The following SYCP2 variants were observed in gnomAD, a reference collection of about 807,000 sequenced individuals.
The protein encoded by SYCP2 is synaptonemal complex protein 2.
A neutral mutation model predicts 211.3 loss-of-function variants in SYCP2; 55 were observed. That is an observed-to-expected ratio of 0.26 (90% confidence interval 0.21 to 0.33). The LOEUF is 0.33. Ranked by LOEUF, SYCP2 falls within the 10% of genes least tolerant of loss-of-function variation. SYCP2 has a pLI of 1.00. For missense variants in SYCP2, 1,731 were observed against 1,752.0 expected (o/e 0.99, Z 0.21); for synonymous variants, 570 against 555.2 (o/e 1.03, Z -0.37).
chr20:59,893,502 A>C (rs779213810), intron 21 of SYCP2, 22 bp downstream of exon 21: 1 of 1,533,834 alleles, frequency 6.5e-7, no homozygotes, highest in Admixed American at 1.7e-5. Flanking sequence ...AAAATGACTA[A>C]ATTAAACCAC....
chr20:59,878,621 C>T (rs2059605901), intron 31 of SYCP2, among the ~76,000 whole-genome samples: 1 of 152,086 alleles, frequency 6.6e-6, no homozygotes. Context: ...AAGGTAATTA[C>T]TGTCCTGAAA....
At chr20:59,915,067 C>G (rs2060411495) in intron 10 of SYCP2, 98 bp downstream of exon 10, 1 of 783,814 alleles carries the variant, frequency 1.3e-6, no homozygotes, top group Non-Finnish European at 2.1e-6. Context: ...TTATAATTCC[C>G]TCAGTCTCAC....
chr20:59,912,853 T>A (rs148465335), intron 12 of SYCP2, among the ~76,000 whole-genome samples: 3 of 152,180 alleles, frequency 2.0e-5, no homozygotes, highest in Non-Finnish European at 4.4e-5. Flanking sequence ...TATCAGGGGT[T>A]TCCCCTTTTG....
chr20:59,916,098 C>A (rs2060435319), intron 8 of SYCP2, among the ~76,000 whole-genome samples: 1 of 152,180 alleles, frequency 6.6e-6, no homozygotes, highest in East Asian at 1.9e-4. Flanking sequence ...AGCACTTGTA[C>A]TTTTTGCAAT....
intron 2 of SYCP2, among the ~76,000 whole-genome samples, chr20:59,930,658 A>G (rs1383959362): frequency 6.6e-6 from 1 of 152,220 alleles, no homozygotes; most frequent in Non-Finnish European, 1.5e-5. Context: ...CTACGTGAAC[A>G]TGATATGGAC....
intron 26 of SYCP2, among the ~76,000 whole-genome samples, 181 bp from the exon 27 acceptor site, chr20:59,882,346 T>C (rs565845984): frequency 3.0e-4 from 45 of 152,256 alleles, no homozygotes; most frequent in African/African-American, 9.4e-4. Flanking sequence ...TCATACACTG[T>C]TGGTGGAACG....
intron 3 of SYCP2, among the ~76,000 whole-genome samples, chr20:59,921,748 C>CA (rs1026133240): frequency 2.0e-5 from 3 of 150,878 alleles, no homozygotes; most frequent in Non-Finnish European, 4.5e-5. Flanking sequence ...ATGAAAAAAG[C>CA]AAAAAAATTT....
chr20:59,868,529 TCTA>T lies in SYCP2; in HGVS notation c.3869_3871del (p.Ile1290_Glu1291delinsLys). ...TTCATTGGAATTACTTAGATTATCTTCTATATATATTCTTTTGCGACTAAGATG... is the reference window on the plus strand; with the variant it reads ...TTCATTGGAATTACTTAGATTATCTTTATATATTCTTTTGCGACTAAGATG... On this transcript the variant is annotated inframe_deletion, in exon 38 of 45. Transcript: ENST00000357552. 2.5e-6 allele frequency: 4 copies of T among 1,609,860 alleles called. No homozygotes were observed. The highest frequency in any genetic ancestry group is 3.4e-6 in the Non-Finnish European group (4 of 1,178,018).
intron 35 of SYCP2, 105 bp from the exon 36 acceptor site, chr20:59,870,088 A>C (rs2059421928): frequency 3.0e-6 from 2 of 676,686 alleles, no homozygotes; most frequent in African/African-American, 1.8e-5. Context: ...CAAAACTGCA[A>C]AACTACTAAT....
At chr20:59,898,122 A>G (rs149820276) in intron 18 of SYCP2, among the ~76,000 whole-genome samples, 82 of 152,308 alleles carry the variant, frequency 5.4e-4, no homozygotes, top group African/African-American at 1.9e-3. Context: ...TCCATCTCAA[A>G]AATTAAATAA....
At chr20:59,919,683 G>T in intron 5 of SYCP2, 86 bp from the exon 6 acceptor site, 2 of 746,398 alleles carry the variant, frequency 2.7e-6, no homozygotes, top group South Asian at 2.1e-5. Context: ...AGTAAACCTA[G>T]GAATAAAGAC....
Position 59,916,556 on chromosome 20 carries a change from A to G in SYCP2, c.443T>C (p.Val148Ala), listed in dbSNP as rs1370453409. The change falls in exon 8 of 45, where the codon GTG (valine) becomes GCG (alanine). Residue 148 changes from valine (V) to alanine (A), a missense_variant. Around this residue, in one of 3 missense-constraint regions of SYCP2, gnomAD observed 335 missense variants for 378.8 expected, o/e 0.88. Coordinates refer to ENST00000357552, the MANE Select transcript of SYCP2 (RefSeq NM_014258.4). ...DVSDEGKKQVVESFVPRICSL... is the reference protein window; with the variant it reads ...DVSDEGKKQVAESFVPRICSL... Reference sequence around the variant, plus strand: ...ACAAATGCGAGGTACGAAACTTTCCACTACTTGTTTTTTACCTGAATAAAA... The same window carrying G: ...ACAAATGCGAGGTACGAAACTTTCCGCTACTTGTTTTTTACCTGAATAAAA... 1.2e-6 allele frequency: 2 copies of G among 1,605,612 alleles called. No homozygotes were observed. Among genetic ancestry groups the G allele is most frequent in the African/African-American group, 2.7e-5 (2 of 74,758 alleles).
At chr20:59,873,462 A>G (rs992179227) in intron 35 of SYCP2, among the ~76,000 whole-genome samples, 1 of 152,204 alleles carries the variant, frequency 6.6e-6, no homozygotes, top group South Asian at 2.1e-4. Flanking sequence ...GACAGAGTGG[A>G]TGGCTCAATA....
At chr20:59,880,055 C>A (rs933068274) in intron 31 of SYCP2, among the ~76,000 whole-genome samples, 9 of 150,776 alleles carry the variant, frequency 6.0e-5, no homozygotes, top group African/African-American at 2.2e-4. Context: ...CATGAGTAGA[C>A]AAGTGACGAA....
In SYCP2 at chr20:59,868,415, T is replaced by C. The variant is rs781639425; in HGVS notation, c.3986A>G (p.Lys1329Arg). The part of the protein sequence containing the change: ...KIEDADHHIH[K>R]MSESVSSLST... ...ATACAGGCTACTGATCTACCTACTT[T>C]TGTGGATATGATGATCTGCATCTTC... The change falls in exon 38 of 45, where the codon AAA becomes AGA. Residue 1329 changes from lysine to arginine, a missense_variant and splice_region_variant. This residue lies in a region of SYCP2 where 1,387 missense variants were observed against 1,351.3 expected (regional missense o/e 1.03). Transcript: ENST00000357552. 5 of 1,609,174 alleles carry C rather than the reference T, an allele frequency of 3.1e-6. No individual in the cohort carries two copies. Among genetic ancestry groups the C allele is most frequent in the South Asian group, 1.1e-5 (1 of 90,450 alleles).
At chr20:59,882,920 G>A (rs1051466358) in intron 26 of SYCP2, among the ~76,000 whole-genome samples, 4 of 152,096 alleles carry the variant, frequency 2.6e-5, no homozygotes, top group Admixed American at 1.3e-4. Flanking sequence ...ACTCTGTGTG[G>A]CAAACAAATA....
chr20:59,865,694 T>C, intron 42 of SYCP2, 43 bp from the exon 43 acceptor site: 2 of 1,384,782 alleles, frequency 1.4e-6, no homozygotes, highest in Non-Finnish European at 2.0e-6. Context: ...TTATCAATAA[T>C]TCAAATTAGA....
intron 15 of SYCP2, among the ~76,000 whole-genome samples, chr20:59,905,997 C>T (rs1006041849): frequency 1.3e-5 from 2 of 152,028 alleles, no homozygotes; most frequent in African/African-American, 4.8e-5. Flanking sequence ...TATTTATAAA[C>T]ATATAGACTG....
intron 25 of SYCP2, 144 bp downstream of exon 25, chr20:59,886,563 A>G (rs1288083787): frequency 3.7e-6 from 2 of 535,106 alleles, no homozygotes; most frequent in Non-Finnish European, 6.0e-6. Flanking sequence ...AACACCTACT[A>G]TTTATAAAAG....
Sources: allele counts gnomAD v4.1 joint callset (sites outside exome capture counted in the v4.1 genomes callset), GRCh38; gene constraint gnomAD v4.1.1; regional missense constraint gnomAD v4.1.1; transcripts MANE v1.5; gene names NCBI Gene and HGNC (gene_info 2026-07-23, HGNC 2026-07-21).